The following MND1 variants were observed in gnomAD, a reference collection of about 807,000 sequenced individuals.
MND1 encodes meiotic nuclear divisions 1.
MND1 carries 28 observed loss-of-function variants against 35.1 expected under a neutral mutation model. That is an observed-to-expected ratio of 0.80 (90% CI 0.59 to 1.09). The LOEUF is 1.09. MND1 is among the 50% of genes least tolerant of loss of function. The pLI is 0.00. For synonymous variants in MND1, 69 were observed against 70.5 expected (o/e 0.98, Z 0.11); for missense variants, 213 against 239.6 (o/e 0.89, Z 0.73).
In MND1 at chr4:153,410,165, G is replaced by C. The variant is rs1729641579; in HGVS notation, c.511+1150G>C. Among the ~76,000 whole-genome samples the C allele has an allele frequency of 3.3e-5, 5 of 152,192 alleles. No homozygotes were observed. The South Asian group carries it at 1.0e-3, about 32-fold the overall frequency. ...AATAAGACAGTTTGTAAGCCCTTCA[G>C]CACCATGTTGGACACGTAGATAAAT... On this transcript the variant is annotated intron_variant, in intron 7 of 7. Transcript: ENST00000240488.
chr4:153,397,323 G>A lies in MND1; in HGVS notation c.456G>A (p.Val152=). 1 of 1,609,492 alleles carries A rather than the reference G, an allele frequency of 6.2e-7. No homozygotes were observed. The highest frequency in any genetic ancestry group is 2.2e-5 in the East Asian group (1 of 44,740). ...ACAAAGACTGTGATCCGCAAGTTGT[G>A]GAAGAAATACGTAAGTTTGTGTCAT... The part of the protein sequence containing the change: ...EKYKDCDPQV[V]EEIRQANKVA... Residue 152 remains valine, a synonymous_variant, in exon 6 of 8, where the codon GTG becomes GTA. Transcript: ENST00000240488.
chr4:153,367,840 C>G (rs1359065685), intron 4 of MND1, among the ~76,000 whole-genome samples: 4 of 152,130 alleles, frequency 2.6e-5, no homozygotes, highest in Non-Finnish European at 4.4e-5. Flanking sequence ...CCACATCCTC[C>G]CAAAACCTAT....
intron 4 of MND1, among the ~76,000 whole-genome samples, chr4:153,359,864 T>C (rs1773438582): frequency 6.7e-6 from 1 of 150,078 alleles, no homozygotes; most frequent in African/African-American, 2.5e-5. Flanking sequence ...CTCAGCTCAC[T>C]GTAACTTCTG....
chr4:153,362,032 C>T (rs1773508919), intron 4 of MND1, among the ~76,000 whole-genome samples: 1 of 152,110 alleles, frequency 6.6e-6, no homozygotes, highest in Admixed American at 6.5e-5. Context: ...CTCTCTTTCA[C>T]TTACAGTTCT....
At chr4:153,344,806 G>A (rs1773031166) in intron 1 of MND1, 66 bp downstream of exon 1, 8 of 1,577,290 alleles carry the variant, frequency 5.1e-6, no homozygotes, top group Non-Finnish European at 6.9e-6. Flanking sequence ...CCGCCCCTCG[G>A]CTGCATGTGG....
At chr4:153,406,596 G>C (rs756142262) in intron 6 of MND1, among the ~76,000 whole-genome samples, 1 of 152,056 alleles carries the variant, frequency 6.6e-6, no homozygotes, top group South Asian at 2.1e-4. Flanking sequence ...CAAGTGTCTA[G>C]TATCCAAAAT....
At chr4:153,354,375 T>G (rs950786020) in intron 2 of MND1, among the ~76,000 whole-genome samples, 1 of 152,242 alleles carries the variant, frequency 6.6e-6, no homozygotes, top group African/African-American at 2.4e-5. Context: ...ATCTGTACAG[T>G]GTCATACATG....
intron 6 of MND1, among the ~76,000 whole-genome samples, chr4:153,399,774 G>T (rs1412587914): frequency 6.6e-6 from 1 of 151,754 alleles, no homozygotes; most frequent in Non-Finnish European, 1.5e-5. Context: ...TATAACTTTG[G>T]TAATTTATTT....
At chr4:153,366,532 G>A (rs1321834972) in intron 4 of MND1, among the ~76,000 whole-genome samples, 1 of 152,220 alleles carries the variant, frequency 6.6e-6, no homozygotes, top group African/African-American at 2.4e-5. Context: ...ATATGAATCT[G>A]TAGTTCAGAG....
Position 153,355,801 on chromosome 4 carries a change from C to G in MND1, c.127+90C>G, listed in dbSNP as rs1026513359. 2.9e-5 allele frequency: 24 copies of G among 840,376 alleles called. No homozygotes were observed. The African/African-American group carries it at 3.4e-4, about 12-fold the overall frequency. 52.1% of individuals were successfully genotyped at this position (840,376 alleles called of 1,614,324 possible). ...AATATTCATTAAGTCATCTTTTCTGCAACAGTCTTTCACTTTATGGAAAAC... is the reference window on the plus strand; with the variant it reads ...AATATTCATTAAGTCATCTTTTCTGGAACAGTCTTTCACTTTATGGAAAAC... On this transcript the variant is annotated intron_variant, in intron 3 of 7. Transcript: ENST00000240488.
rs769274405 is a variant in MND1, at chr4:153,344,699, A to G, written c.-39A>G. The G allele has an allele frequency of 5.1e-6, 8 of 1,570,106 alleles. No individual in the cohort carries two copies. In the Admixed American group the frequency reaches 5.3e-5, roughly 10 times the overall value. On this transcript the variant is annotated 5_prime_UTR_variant, in exon 1 of 8. Coordinates refer to ENST00000240488, the MANE Select transcript of MND1 (RefSeq NM_032117.4). Reference sequence around the variant, plus strand: ...CTGGCCTGTCCCGCCCCTCTCCCCAAGCGCGGGCCCGGCCAGCGGAAGCCC... The same window carrying G: ...CTGGCCTGTCCCGCCCCTCTCCCCAGGCGCGGGCCCGGCCAGCGGAAGCCC...
At chr4:153,344,861 C>T in intron 1 of MND1, 121 bp downstream of exon 1, 1 of 1,484,934 alleles carries the variant, frequency 6.7e-7, no homozygotes, top group Non-Finnish European at 9.0e-7. Context: ...CGGGAGCGGT[C>T]GCCCGGCTCT....
intron 3 of MND1, among the ~76,000 whole-genome samples, chr4:153,356,515 T>G (rs1038254392): frequency 2.5e-5 from 3 of 121,186 alleles, no homozygotes; most frequent in Admixed American, 1.1e-4. Context: ...ATCGCGCCAC[T>G]GCACTCCAGC....
At chr4:153,353,792 T>C (rs1773276894) in intron 2 of MND1, among the ~76,000 whole-genome samples, 1 of 152,178 alleles carries the variant, frequency 6.6e-6, no homozygotes, top group African/African-American at 2.4e-5. Flanking sequence ...TGATCTTGGC[T>C]CACTGCAGCC....
At chr4:153,400,458 C>T (rs1729319532) in intron 6 of MND1, among the ~76,000 whole-genome samples, 1 of 152,034 alleles carries the variant, frequency 6.6e-6, no homozygotes, top group South Asian at 2.1e-4. Context: ...GAGGCCAAGG[C>T]AGGAAGATAG....
Position 153,414,986 on chromosome 4 carries a change from T to A in MND1, c.*129T>A. The A allele has an allele frequency of 2.3e-6, 1 of 437,636 alleles. No individual in the cohort carries two copies. The highest frequency in any genetic ancestry group is 4.1e-6 in the Non-Finnish European group (1 of 241,190). The allele number at this position is 437,636 out of a possible 1,614,324, so 27.1% of individuals were successfully genotyped here. On this transcript the variant is annotated 3_prime_UTR_variant, in exon 8 of 8. Coordinates refer to ENST00000240488, the MANE Select transcript of MND1 (RefSeq NM_032117.4). The stretch of plus-strand genomic sequence containing the variant: ...ATCATTTTATTAATGTTAAATAAAG[T>A]GTAAAATGCAGATGTTCTTCACCCC...
chr4:153,350,165 A>G, intron 2 of MND1, 36 bp downstream of exon 2: 7 of 1,464,388 alleles, frequency 4.8e-6, no homozygotes, highest in Non-Finnish European at 6.6e-6. Context: ...AATTTTGTGT[A>G]ATTTTCATCT....
chr4:153,388,975 G>GA (rs1175290180), intron 4 of MND1, among the ~76,000 whole-genome samples: 8 of 152,202 alleles, frequency 5.3e-5, no homozygotes, highest in Non-Finnish European at 1.2e-4. Context: ...GCTGAATCTG[G>GA]GGCTTTTATG....
chr4:153,346,427 T>G (rs979649498), intron 1 of MND1, among the ~76,000 whole-genome samples: 2 of 152,236 alleles, frequency 1.3e-5, no homozygotes, highest in Non-Finnish European at 2.9e-5. Context: ...GTCTCCTGAC[T>G]TACTAATTTG....
Sources: allele counts gnomAD v4.1 joint callset (sites outside exome capture counted in the v4.1 genomes callset), GRCh38; gene constraint gnomAD v4.1.1; transcripts MANE v1.5; gene names NCBI Gene and HGNC (gene_info 2026-07-23, HGNC 2026-07-21).